EHBP1: variants seen among roughly 807,000 people sequenced by gnomAD.
The protein encoded by EHBP1 is EH domain-binding protein 1.
A neutral mutation model predicts 144.0 loss-of-function variants in EHBP1; 55 were observed. The observed-to-expected ratio is 0.38, with a 90% CI of 0.31 to 0.48. EHBP1 has a LOEUF of 0.48. Among genes scored for constraint, EHBP1 ranks in the 20% least tolerant of loss-of-function variants. The pLI, the probability that EHBP1 is intolerant of heterozygous loss-of-function variation, is 0.98. For missense variants in EHBP1, 1,200 were observed against 1,364.2 expected, an observed-to-expected ratio of 0.88 and a Z score of 1.90; for synonymous variants, 469 against 472.7, an observed-to-expected ratio of 0.99 and a Z score of 0.10.
intron 7 of EHBP1, 37 bp downstream of exon 7, chr2:62,831,195 T>C (rs749925446): frequency 1.9e-6 from 3 of 1,555,682 alleles, no homozygotes; most frequent in African/African-American, 2.8e-5. Flanking sequence ...AGTTTATCTT[T>C]TGTTGCAGAG....
chr2:62,769,010 T>C (rs1458769332), intron 4 of EHBP1, among the ~76,000 whole-genome samples: 1 of 152,116 alleles, frequency 6.6e-6, no homozygotes, highest in African/African-American at 2.4e-5. Flanking sequence ...AAGGAACATA[T>C]ATCAAAATAA....
chr2:62,882,987 A>C (rs2051597660), intron 10 of EHBP1, among the ~76,000 whole-genome samples: 1 of 152,186 alleles, frequency 6.6e-6, no homozygotes, highest in Non-Finnish European at 1.5e-5. Flanking sequence ...ATACACACAC[A>C]CAGATGCACA....
At position 62,948,846 on chromosome 2, in the gene EHBP1, T is replaced by A. The variant is rs772333916; in HGVS notation, c.2000T>A (p.Val667Asp). The A allele has an allele frequency of 6.2e-7, 1 of 1,613,964 alleles. No homozygotes were observed. Among genetic ancestry groups the A allele is most frequent in the African/African-American group, 1.3e-5 (1 of 74,926 alleles). ...ACTTTAGAATTGAGTGACTTATATGTTAGTGATAAGAAGAAGGATATGTCT... is the reference window on the plus strand; with the variant it reads ...ACTTTAGAATTGAGTGACTTATATGATAGTGATAAGAAGAAGGATATGTCT... ...AETLELSDLYVSDKKKDMSPP... is the reference protein window; with the variant it reads ...AETLELSDLYDSDKKKDMSPP... The change falls in exon 13 of 23, where the codon GTT (valine) becomes GAT (aspartate). Residue 667 changes from valine (V) to aspartate (D), a missense_variant. Transcript: ENST00000431489.
chr2:62,676,552 A>G (rs1450518386), intron 1 of EHBP1, among the ~76,000 whole-genome samples: 1 of 152,180 alleles, frequency 6.6e-6, no homozygotes, highest in African/African-American at 2.4e-5. Context: ...TGTCTTTGAC[A>G]CACCAGCCAT....
At chr2:62,821,132 G>C (rs72807585) in intron 5 of EHBP1, among the ~76,000 whole-genome samples, 16,829 of 151,868 alleles carry the variant, frequency 0.11, 1,253 homozygotes, top group Non-Finnish European at 0.16. Context: ...ATAAAGCCCT[G>C]AAAAATTATA....
intron 19 of EHBP1, among the ~76,000 whole-genome samples, chr2:63,006,052 TC>T (rs1312917925): frequency 6.6e-6 from 1 of 152,020 alleles, no homozygotes; most frequent in Non-Finnish European, 1.5e-5. Flanking sequence ...CTTTCCTAGA[TC>T]ATCCCACCAG....
intron 10 of EHBP1, chr2:62,939,926 G>A (rs1318391506): frequency 9.3e-6 from 2 of 214,900 alleles, no homozygotes; most frequent in African/African-American, 4.7e-5. Flanking sequence ...ATGTAGGTTA[G>A]GAAACTGTAT....
At chr2:62,814,929 T>G (rs2045327017) in intron 5 of EHBP1, among the ~76,000 whole-genome samples, 1 of 152,192 alleles carries the variant, frequency 6.6e-6, no homozygotes, top group African/African-American at 2.4e-5. Flanking sequence ...CTAGATAGCA[T>G]GAATAATCCA....
At chr2:63,015,137 G>A (rs2060431438) in intron 19 of EHBP1, among the ~76,000 whole-genome samples, 1 of 152,100 alleles carries the variant, frequency 6.6e-6, no homozygotes, top group Non-Finnish European at 1.5e-5. Context: ...TATATTTGAT[G>A]TTTCTATATA....
intron 5 of EHBP1, among the ~76,000 whole-genome samples, chr2:62,800,563 A>AG (rs2043906986): frequency 1.3e-5 from 2 of 152,186 alleles, no homozygotes; most frequent in Non-Finnish European, 2.9e-5. Context: ...CTGGGAAGAA[A>AG]TGTGGATGTA....
chr2:62,741,992 C>T (rs543304752), intron 2 of EHBP1, among the ~76,000 whole-genome samples: 2 of 152,020 alleles, frequency 1.3e-5, no homozygotes, highest in African/African-American at 2.4e-5. Flanking sequence ...TTTTACTGCA[C>T]CTTTTCTATG....
At chr2:62,940,234 T>C in intron 10 of EHBP1, 1 of 319,868 alleles carries the variant, frequency 3.1e-6, no homozygotes, top group Non-Finnish European at 6.3e-6. Flanking sequence ...AATAGATTTA[T>C]TCGGTCAGTA....
chr2:62,830,684 C>T (rs920133148), intron 6 of EHBP1, among the ~76,000 whole-genome samples: 7 of 152,072 alleles, frequency 4.6e-5, no homozygotes, highest in Admixed American at 2.0e-4. Context: ...GTTGCATTTG[C>T]TTTGGGGTTC....
intron 10 of EHBP1, among the ~76,000 whole-genome samples, chr2:62,905,772 C>A (rs528889170): frequency 1.3e-5 from 2 of 151,680 alleles, no homozygotes; most frequent in Admixed American, 1.3e-4. Context: ...TGAAGTGAGC[C>A]GAGATCAAGC....
intron 10 of EHBP1, among the ~76,000 whole-genome samples, chr2:62,931,815 T>G (rs1053105921): frequency 2.0e-5 from 3 of 152,108 alleles, no homozygotes; most frequent in Non-Finnish European, 4.4e-5. Context: ...GTTATCCAGT[T>G]GAAAAAGCGA....
chr2:62,772,228 GAGAA>G (rs2041724298), intron 5 of EHBP1: 1 of 151,466 alleles, frequency 6.6e-6, no homozygotes, highest in Non-Finnish European at 1.5e-5. Context: ...AGGAGAGAAA[GAGAA>G]GGAAGGAAGG....
chr2:62,938,393 A>G (rs182997191), intron 10 of EHBP1, among the ~76,000 whole-genome samples: 1 of 152,360 alleles, frequency 6.6e-6, no homozygotes, highest in Admixed American at 6.5e-5. Context: ...GCAGACAGCA[A>G]AAGAGAAGGA....
At chr2:62,943,760 A>G (rs1306792271) in intron 11 of EHBP1, 42 bp from the exon 12 acceptor site, 2 of 1,388,372 alleles carry the variant, frequency 1.4e-6, no homozygotes, top group Admixed American at 2.4e-5. Context: ...AGCTGTTTTT[A>G]TCAAATACTA....
At chr2:62,951,817 G>T (rs189817075) in intron 13 of EHBP1, among the ~76,000 whole-genome samples, 1 of 152,092 alleles carries the variant, frequency 6.6e-6, no homozygotes, top group East Asian at 1.9e-4. Flanking sequence ...GAGCCACCGC[G>T]CCTGGCCAGA....
Sources: allele counts gnomAD v4.1 joint callset (sites outside exome capture counted in the v4.1 genomes callset), GRCh38; gene constraint gnomAD v4.1.1; transcripts MANE v1.5; gene names NCBI Gene and HGNC (gene_info 2026-07-23, HGNC 2026-07-21).